IFT74: variants seen among roughly 807,000 people sequenced by gnomAD.
IFT74 encodes the protein intraflagellar transport protein 74 homolog.
A neutral mutation model predicts 96.7 loss-of-function variants in IFT74; 92 were observed. That is an observed-to-expected ratio of 0.95 (90% CI 0.80 to 1.13). IFT74 has a LOEUF of 1.13. IFT74 is among the 50% of genes most tolerant of loss of function. IFT74 has a pLI of 0.00. For synonymous variants in IFT74, 223 were observed against 213.2 expected, an observed-to-expected ratio of 1.05 and a Z score of -0.40; for missense variants, 811 against 698.2, an observed-to-expected ratio of 1.16 and a Z score of -1.82.
intron 8 of IFT74, among the ~76,000 whole-genome samples, chr9:27,007,536 T>C (rs1402695337): frequency 3.3e-5 from 5 of 152,250 alleles, no homozygotes; most frequent in African/African-American, 9.6e-5. Context: ...CAAGTGAAGA[T>C]ACCACTTCTT....
intron 1 of IFT74, among the ~76,000 whole-genome samples, chr9:26,959,878 G>C (rs747520706): frequency 2.0e-5 from 3 of 152,218 alleles, no homozygotes; most frequent in Non-Finnish European, 2.9e-5. Flanking sequence ...TCACTTTGCA[G>C]TACCCCAGTC....
At chr9:27,005,703 A>G (rs1316192384) in intron 8 of IFT74, 4 of 151,968 alleles carry the variant, frequency 2.6e-5, no homozygotes. Flanking sequence ...TAACCTTTGT[A>G]CCCAGTGAAC....
chr9:27,053,860 A>G (rs973508920), intron 16 of IFT74, among the ~76,000 whole-genome samples: 1 of 152,242 alleles, frequency 6.6e-6, no homozygotes, highest in Non-Finnish European at 1.5e-5. Flanking sequence ...TTAAAATAGC[A>G]TAAGCCTTAG....
intron 1 of IFT74, among the ~76,000 whole-genome samples, chr9:26,960,111 A>G (rs922176980): frequency 6.6e-5 from 10 of 152,160 alleles, no homozygotes; most frequent in Non-Finnish European, 1.2e-4. Flanking sequence ...TGGACATTTC[A>G]GTTTTCATCT....
intron 9 of IFT74, 53 bp downstream of exon 9, chr9:27,009,211 G>A (rs1014124591): frequency 9.2e-5 from 141 of 1,525,412 alleles, no homozygotes; most frequent in Non-Finnish European, 1.2e-4. Context: ...GCTACTAAAA[G>A]TATAGTTTGA....
At chr9:26,993,418 A>G (rs913494845) in intron 8 of IFT74, 3 of 152,528 alleles carry the variant, frequency 2.0e-5, no homozygotes, top group African/African-American at 7.2e-5. Context: ...GCCATAATAT[A>G]CTTATATCCT....
chr9:26,989,805 C>T (rs1190452070), intron 7 of IFT74, among the ~76,000 whole-genome samples: 2 of 150,912 alleles, frequency 1.3e-5, no homozygotes, highest in African/African-American at 4.9e-5. Flanking sequence ...CTAAATTTAA[C>T]ATATTACTAA....
chr9:27,016,642 T>G (rs1829357003), intron 10 of IFT74, among the ~76,000 whole-genome samples: 1 of 152,228 alleles, frequency 6.6e-6, no homozygotes, highest in Non-Finnish European at 1.5e-5. Flanking sequence ...TGTCCTATAC[T>G]TATTCAGGTC....
intron 6 of IFT74, among the ~76,000 whole-genome samples, chr9:26,985,516 A>C (rs1827593439): frequency 6.6e-6 from 1 of 152,190 alleles, no homozygotes; most frequent in South Asian, 2.1e-4. Flanking sequence ...TATTTAAAAT[A>C]CCAAATAGTA....
intron 3 of IFT74, among the ~76,000 whole-genome samples, chr9:26,979,238 A>T (rs1827254478): frequency 6.6e-6 from 1 of 152,056 alleles, no homozygotes; most frequent in South Asian, 2.1e-4. Context: ...GATTATTTAG[A>T]AATGTTTGCT....
intron 8 of IFT74, among the ~76,000 whole-genome samples, chr9:27,006,623 AAGAG>A (rs138335710): frequency 0.01 from 1,433 of 139,524 alleles, 30 homozygotes; most frequent in African/African-American, 0.035. Context: ...GGGAGAGGGA[AAGAG>A]AGAGAGAGAG....
chr9:27,006,251 T>C (rs1020248915), intron 8 of IFT74, among the ~76,000 whole-genome samples: 28 of 152,214 alleles, frequency 1.8e-4, no homozygotes, highest in Admixed American at 7.9e-4. Context: ...TTGAAAGATA[T>C]ACTGTTGCTA....
intron 8 of IFT74, among the ~76,000 whole-genome samples, chr9:26,991,797 G>A (rs1314915781): frequency 7.2e-5 from 11 of 152,182 alleles, no homozygotes; most frequent in South Asian, 2.1e-4. Context: ...TTGGGAGGCC[G>A]AGGCGGGTGG....
chr9:27,014,451 G>A (rs911369718), intron 10 of IFT74, among the ~76,000 whole-genome samples: 2 of 152,102 alleles, frequency 1.3e-5, no homozygotes, highest in African/African-American at 4.8e-5. Flanking sequence ...AAAATCATAA[G>A]CTATAACCTT....
At chr9:26,995,747 C>G (rs147515301) in intron 8 of IFT74, 108 of 1,613,576 alleles carry the variant, frequency 6.7e-5, no homozygotes, top group Non-Finnish European at 9.1e-5. Context: ...AATATTGTAC[C>G]ATATTGGGCA....
intron 2 of IFT74, among the ~76,000 whole-genome samples, chr9:26,965,431 T>G (rs1826565812): frequency 6.6e-6 from 1 of 152,126 alleles, no homozygotes; most frequent in South Asian, 2.1e-4. Flanking sequence ...GTTTTCAGAT[T>G]TTTTTTCTAG....
At chr9:26,974,417 A>G (rs1464608403) in intron 2 of IFT74, among the ~76,000 whole-genome samples, 2 of 152,174 alleles carry the variant, frequency 1.3e-5, no homozygotes, top group African/African-American at 4.8e-5. Context: ...TTAGGCCTGC[A>G]TACTGTTTCA....
intron 8 of IFT74, chr9:26,996,258 TTTA>T: frequency 9.7e-7 from 1 of 1,032,222 alleles, no homozygotes; most frequent in Non-Finnish European, 1.3e-6. Flanking sequence ...ACTACCTCAG[TTTA>T]TTTAGTATGA....
At chr9:27,009,989 TA>T (rs985303805) in intron 9 of IFT74, among the ~76,000 whole-genome samples, 18 of 151,918 alleles carry the variant, frequency 1.2e-4, no homozygotes, top group South Asian at 2.1e-4. Context: ...TTTTTTAATT[TA>T]AAAAAAATTT....
Sources: gnomAD v4.1 joint callset for allele counts (sites outside exome capture counted in the v4.1 genomes callset) on GRCh38, gnomAD v4.1.1 for gene constraint, MANE v1.5 for transcripts, NCBI Gene and HGNC (gene_info 2026-07-23, HGNC 2026-07-21) for gene names.